The following INPP4B variants were observed in gnomAD, a reference collection of about 807,000 sequenced individuals.
The protein encoded by INPP4B is inositol polyphosphate-4-phosphatase type II B, also known as inositol polyphosphate 4-phosphatase type II.
INPP4B carries 55 observed loss-of-function variants against 122.5 expected under a neutral mutation model. The observed-to-expected ratio is 0.45, with a 90% CI of 0.36 to 0.56. The LOEUF is 0.56. INPP4B is among the 20% of genes least tolerant of loss of function. The pLI, the probability that INPP4B is intolerant of heterozygous loss-of-function variation, is 0.00. For missense variants in INPP4B, 1,000 were observed against 1,097.7 expected (o/e 0.91, Z 1.26); for synonymous variants, 403 against 388.7 (o/e 1.04, Z -0.43).
chr4:142,635,839 A>C (rs1257656627), intron 2 of INPP4B, among the ~76,000 whole-genome samples: 1 of 152,166 alleles, frequency 6.6e-6, no homozygotes, highest in East Asian at 1.9e-4. Flanking sequence ...AAACCTTCAC[A>C]TGTACCCCTG....
intron 1 of INPP4B, among the ~76,000 whole-genome samples, chr4:142,779,671 C>A (rs955294168): frequency 2.0e-5 from 3 of 151,858 alleles, no homozygotes; most frequent in Non-Finnish European, 4.4e-5. Context: ...GACACAGGTT[C>A]TTGTTCCATC....
At position 142,814,509 on chromosome 4, in the gene INPP4B, C is replaced by A. The variant is rs1393038053; in HGVS notation, c.-254+31700G>T. 2.0e-4 allele frequency among the ~76,000 whole-genome samples: 31 copies of A among 152,050 alleles called. 1 individual carries two copies. Among genetic ancestry groups the A allele is most frequent in the Non-Finnish European group, 3.7e-4 (25 of 68,004 alleles). On this transcript the variant is annotated intron_variant, in intron 1 of 25. Transcript: ENST00000262992. Reference sequence around the variant, plus strand: ...GTTACCTACTACTAACTACCTTGGCCATGTAATCTCTCTGTTTTTCTCCAA... The same window carrying A: ...GTTACCTACTACTAACTACCTTGGCAATGTAATCTCTCTGTTTTTCTCCAA...
chr4:142,473,610 G>A (rs376123173), intron 2 of INPP4B, among the ~76,000 whole-genome samples: 45 of 152,280 alleles, frequency 3.0e-4, no homozygotes, highest in Middle Eastern at 6.8e-3. Context: ...AACAGAGGTC[G>A]CAGTTTGGTG....
intron 1 of INPP4B, among the ~76,000 whole-genome samples, chr4:142,757,341 T>C (rs1770654866): frequency 6.6e-6 from 1 of 152,158 alleles, no homozygotes; most frequent in Non-Finnish European, 1.5e-5. Context: ...ATGTACATTC[T>C]ATGGGTTTTG....
intron 7 of INPP4B, among the ~76,000 whole-genome samples, chr4:142,340,068 G>C (rs1487107754): frequency 6.6e-6 from 1 of 152,044 alleles, no homozygotes; most frequent in African/African-American, 2.4e-5. Flanking sequence ...AGAAATGAAA[G>C]TCTCTCCAAA....
intron 7 of INPP4B, among the ~76,000 whole-genome samples, chr4:142,368,823 T>C (rs1244644470): frequency 1.3e-5 from 2 of 151,924 alleles, no homozygotes; most frequent in African/African-American, 4.8e-5. Context: ...AACAGACACA[T>C]GATAGGATGC....
chr4:142,369,140 C>T (rs916839727), intron 7 of INPP4B, among the ~76,000 whole-genome samples: 1 of 152,110 alleles, frequency 6.6e-6, no homozygotes, highest in Non-Finnish European at 1.5e-5. Context: ...TGTGTGGGCA[C>T]ACCTAGATCT....
intron 5 of INPP4B, chr4:142,427,390 A>T: frequency 2.1e-6 from 1 of 483,440 alleles, no homozygotes; most frequent in Non-Finnish European, 3.6e-6. Context: ...AATATATATA[A>T]AAAAAGAAAT....
At chr4:142,149,655 T>C (rs539075398) in intron 17 of INPP4B, among the ~76,000 whole-genome samples, 2 of 152,296 alleles carry the variant, frequency 1.3e-5, no homozygotes, top group East Asian at 3.9e-4. Flanking sequence ...GAGACTTAAA[T>C]ATGAGTCCAA....
Position 142,691,690 on chromosome 4 carries a change from C to T in INPP4B, c.-191+34149G>A, listed in dbSNP as rs1457926747. ...TATTTCCTGGGGGTAGCTCAGGAAA[C>T]AGGGAGTGTGACATGGATCCTTCTC... On this transcript the variant is annotated intron_variant, in intron 2 of 25. Coordinates refer to ENST00000262992, the MANE Select transcript of INPP4B (RefSeq NM_001101669.3). Among the ~76,000 whole-genome samples the T allele has an allele frequency of 1.4e-4, 21 of 152,102 alleles. 1 individual carries two copies. The highest frequency in any genetic ancestry group is 4.6e-4 in the African/African-American group (19 of 41,408).
intron 2 of INPP4B, among the ~76,000 whole-genome samples, chr4:142,647,133 G>A (rs1286703429): frequency 1.3e-5 from 2 of 152,060 alleles, no homozygotes; most frequent in African/African-American, 2.4e-5. Flanking sequence ...AAATAAAGAT[G>A]CAGCTGAGTA....
At chr4:142,127,982 A>T (rs1799384796) in intron 18 of INPP4B, among the ~76,000 whole-genome samples, 1 of 152,156 alleles carries the variant, frequency 6.6e-6, no homozygotes, top group Non-Finnish European at 1.5e-5. Context: ...TCCAATGAAC[A>T]TCCCAAATCA....
Position 142,434,829 on chromosome 4 carries a change from T to C in INPP4B, c.-126-3444A>G, listed in dbSNP as rs554430827. Among the ~76,000 whole-genome samples the C allele has an allele frequency of 2.6e-3, 391 of 152,132 alleles. 1 individual carries two copies. The highest frequency in any genetic ancestry group is 3.8e-3 in the Non-Finnish European group (260 of 67,998). ...AATCTTTTGGCTTCTCTGGGCCACA[T>C]TGGAAGAAAAAGAATTGTCTTGGGC... On this transcript the variant is annotated intron_variant, in intron 3 of 25. Transcript: ENST00000262992.
At chr4:142,131,217 T>C (rs1445241480) in intron 18 of INPP4B, among the ~76,000 whole-genome samples, 1 of 152,218 alleles carries the variant, frequency 6.6e-6, no homozygotes, top group African/African-American at 2.4e-5. Flanking sequence ...GCATAGGTCA[T>C]AGGTCTTTGA....
intron 5 of INPP4B, among the ~76,000 whole-genome samples, chr4:142,423,514 T>C (rs1248660388): frequency 1.3e-5 from 2 of 152,008 alleles, no homozygotes; most frequent in Admixed American, 1.3e-4. Flanking sequence ...GACAAAGTAT[T>C]TAGAATCAGC....
At chr4:142,576,979 G>A (rs956143865) in intron 2 of INPP4B, among the ~76,000 whole-genome samples, 4 of 151,910 alleles carry the variant, frequency 2.6e-5, no homozygotes, top group Admixed American at 6.6e-5. Context: ...ATGTATATAC[G>A]TTTATTATAA....
chr4:142,392,659 G>T (rs2149011686), intron 7 of INPP4B, among the ~76,000 whole-genome samples: 1 of 152,302 alleles, frequency 6.6e-6, no homozygotes, highest in African/African-American at 2.4e-5. Flanking sequence ...GATTAGAAAT[G>T]TATCCCTCAC....
intron 1 of INPP4B, among the ~76,000 whole-genome samples, chr4:142,808,395 T>C (rs922865108): frequency 7.9e-5 from 12 of 152,134 alleles, no homozygotes; most frequent in Non-Finnish European, 1.2e-4. Flanking sequence ...GTCTCTCAAA[T>C]GATTTATAAT....
At position 142,521,123 on chromosome 4, in the gene INPP4B, C is replaced by T. The variant is rs150643147; in HGVS notation, c.-190-58397G>A. ...CTAAAAGGGAATAAGACTTTGGTCT[C>T]GGTATCAAAGAGATGAAAAATATAA... On this transcript the variant is annotated intron_variant, in intron 2 of 25. Coordinates refer to ENST00000262992, the MANE Select transcript of INPP4B (RefSeq NM_001101669.3). Among the ~76,000 whole-genome samples, 12 of 151,518 alleles carry T rather than the reference C, an allele frequency of 7.9e-5. No homozygotes were observed. In the East Asian group the frequency reaches 1.9e-3, roughly 25 times the overall value.
Sources: gnomAD v4.1 joint callset for allele counts (sites outside exome capture counted in the v4.1 genomes callset) on GRCh38, gnomAD v4.1.1 for gene constraint, MANE v1.5 for transcripts, NCBI Gene and HGNC (gene_info 2026-07-23, HGNC 2026-07-21) for gene names.